Variants in CADPS2 observed in about 807,000 individuals in gnomAD.
The protein encoded by CADPS2 is calcium dependent secretion activator 2, also known as calcium-dependent secretion activator 2.
CADPS2 carries 93 observed loss-of-function variants against 172.5 expected under a neutral mutation model. That is an observed-to-expected ratio of 0.54 (90% CI 0.46 to 0.64). CADPS2 has a LOEUF of 0.64. CADPS2 is among the 30% of genes least tolerant of loss of function. The pLI is 0.00. For missense variants in CADPS2, 1,420 were observed against 1,565.9 expected (o/e 0.91, Z 1.57); for synonymous variants, 546 against 555.2 (o/e 0.98, Z 0.23).
At chr7:122,327,516 C>T (rs1318049216) in intron 28 of CADPS2, among the ~76,000 whole-genome samples, 1 of 152,010 alleles carries the variant, frequency 6.6e-6, no homozygotes, top group African/African-American at 2.4e-5. Flanking sequence ...TGTTAGACTG[C>T]ACAGTTACTG....
At chr7:122,805,099 C>T (rs944870580) in intron 1 of CADPS2, among the ~76,000 whole-genome samples, 1 of 152,126 alleles carries the variant, frequency 6.6e-6, no homozygotes, top group African/African-American at 2.4e-5. Context: ...ACCTTTGTAA[C>T]CCCATAGCTA....
intron 1 of CADPS2, among the ~76,000 whole-genome samples, chr7:122,854,053 C>G (rs1373901320): frequency 6.6e-6 from 1 of 152,150 alleles, no homozygotes; most frequent in African/African-American, 2.4e-5. Flanking sequence ...GCGATGTCCT[C>G]GGAGCTGCCA....
chr7:122,573,223 T>C (rs1048868711), intron 7 of CADPS2, among the ~76,000 whole-genome samples: 1 of 152,106 alleles, frequency 6.6e-6, no homozygotes, highest in East Asian at 1.9e-4. Flanking sequence ...AAGGAAATGC[T>C]TGGACCTAGA....
intron 1 of CADPS2, among the ~76,000 whole-genome samples, chr7:122,749,686 C>G (rs1271699434): frequency 6.6e-6 from 1 of 151,690 alleles, no homozygotes; most frequent in Non-Finnish European, 1.5e-5. Context: ...TATTTATTAC[C>G]TTCTTTAAAC....
intron 1 of CADPS2, among the ~76,000 whole-genome samples, chr7:122,871,028 A>G (rs1376725752): frequency 1.3e-5 from 2 of 152,038 alleles, no homozygotes; most frequent in African/African-American, 2.4e-5. Flanking sequence ...GCAAATATTA[A>G]TCACTTTATT....
chr7:122,777,685 G>A (rs1406857681), intron 1 of CADPS2, among the ~76,000 whole-genome samples: 1 of 151,956 alleles, frequency 6.6e-6, no homozygotes, highest in African/African-American at 2.4e-5. Context: ...TTTATAATAG[G>A]CTTTCCCCCA....
intron 1 of CADPS2, among the ~76,000 whole-genome samples, chr7:122,806,395 T>C (rs1457734819): frequency 4.6e-5 from 7 of 152,196 alleles, no homozygotes; most frequent in Non-Finnish European, 5.9e-5. Flanking sequence ...CGAAATGTGA[T>C]TGGGAAATAA....
chr7:122,776,373 C>G (rs1320939808), intron 1 of CADPS2, among the ~76,000 whole-genome samples: 1 of 152,074 alleles, frequency 6.6e-6, no homozygotes, highest in Non-Finnish European at 1.5e-5. Flanking sequence ...ACTATCAGTC[C>G]ATTAAACCTA....
intron 2 of CADPS2, among the ~76,000 whole-genome samples, chr7:122,670,689 C>T (rs1002394237): frequency 2.6e-5 from 4 of 151,488 alleles, no homozygotes; most frequent in Non-Finnish European, 4.4e-5. Flanking sequence ...TTAGTAGAGA[C>T]GAGGTTTCAC....
At chr7:122,619,354 G>A (rs111246508) in intron 5 of CADPS2, among the ~76,000 whole-genome samples, 30 of 151,394 alleles carry the variant, frequency 2.0e-4, no homozygotes, top group African/African-American at 6.6e-4. Context: ...GACTAGGCAC[G>A]GTGTCTCAAG....
At chr7:122,360,409 A>G (rs1390385040) in intron 27 of CADPS2, among the ~76,000 whole-genome samples, 5 of 152,222 alleles carry the variant, frequency 3.3e-5, no homozygotes, top group Non-Finnish European at 7.4e-5. Flanking sequence ...TAACTGGTTC[A>G]TCTTTATCAT....
chr7:122,378,995 G>A (rs1235563753), intron 25 of CADPS2: 1 of 170,342 alleles, frequency 5.9e-6, no homozygotes, highest in Admixed American at 6.1e-5. Flanking sequence ...AACAGATCTA[G>A]AGCCTTAGTG....
chr7:122,726,848 C>A lies in CADPS2; in HGVS notation c.453+10107G>T, dbSNP rs186657726. ...AGGTGGATAACTAACTATAGGTGTT[C>A]AAAGAAACATTACTTAACCTTAAGC... On this transcript the variant is annotated intron_variant, in intron 2 of 29. Coordinates refer to ENST00000449022, the MANE Select transcript of CADPS2 (RefSeq NM_017954.11). Among the ~76,000 whole-genome samples, 1,139 of 148,360 alleles carry A rather than the reference C, an allele frequency of 7.7e-3. 15 individuals are homozygous for A. The highest frequency in any genetic ancestry group is 9.6e-3 in the Non-Finnish European group (647 of 67,368).
chr7:122,481,285 T>C (rs1184580810), intron 11 of CADPS2, among the ~76,000 whole-genome samples: 2 of 151,562 alleles, frequency 1.3e-5, no homozygotes. Context: ...AGGTCTGCCC[T>C]GATTTAAAAC....
At chr7:122,518,393 T>C (rs2060531402) in intron 8 of CADPS2, among the ~76,000 whole-genome samples, 1 of 152,114 alleles carries the variant, frequency 6.6e-6, no homozygotes, top group African/African-American at 2.4e-5. Context: ...ATAATGGAAA[T>C]GGCATTAATT....
intron 25 of CADPS2, among the ~76,000 whole-genome samples, chr7:122,374,259 A>G (rs1361823857): frequency 6.6e-6 from 1 of 152,164 alleles, no homozygotes; most frequent in Non-Finnish European, 1.5e-5. Context: ...TCTCGACATA[A>G]TAAAGGCTAT....
intron 1 of CADPS2, among the ~76,000 whole-genome samples, chr7:122,783,571 G>A (rs1016272255): frequency 6.6e-6 from 1 of 152,152 alleles, no homozygotes; most frequent in African/African-American, 2.4e-5. Flanking sequence ...TGTTTTGCCA[G>A]TCCAGCTGAG....
chr7:122,803,719 T>A (rs1194864339), intron 1 of CADPS2, among the ~76,000 whole-genome samples: 2 of 152,146 alleles, frequency 1.3e-5, no homozygotes, highest in Non-Finnish European at 2.9e-5. Context: ...TCGGTGGTGA[T>A]AAAAATTTAA....
intron 1 of CADPS2, among the ~76,000 whole-genome samples, chr7:122,800,426 A>C (rs931571676): frequency 6.6e-6 from 1 of 152,232 alleles, no homozygotes; most frequent in African/African-American, 2.4e-5. Context: ...TAAGCTTTAC[A>C]AAAACTGATC....
Sources: gnomAD v4.1 joint callset for allele counts (sites outside exome capture counted in the v4.1 genomes callset) on GRCh38, gnomAD v4.1.1 for gene constraint, MANE v1.5 for transcripts, NCBI Gene and HGNC (gene_info 2026-07-23, HGNC 2026-07-21) for gene names.